Variants in WDR82 observed in about 807,000 individuals in gnomAD.
The protein encoded by WDR82 is WD repeat domain 82.
In WDR82, 8 loss-of-function variants were observed where a neutral mutation model predicts 36.1. That is an observed-to-expected ratio of 0.22 (90% CI 0.13 to 0.40). The LOEUF (loss-of-function observed/expected upper bound fraction) is 0.40, where lower values mean the gene tolerates loss of function less well. Ranked by LOEUF, WDR82 falls within the 10% of genes least tolerant of loss-of-function variation. The pLI, the probability that WDR82 is intolerant of heterozygous loss-of-function variation, is 1.00. For synonymous variants in WDR82, 129 were observed against 137.8 expected, an observed-to-expected ratio of 0.94 and a Z score of 0.45; for missense variants, 185 against 400.5, an observed-to-expected ratio of 0.46 and a Z score of 4.59.
intron 1 of WDR82, among the ~76,000 whole-genome samples, chr3:52,277,203 C>T (rs1003118505): frequency 6.6e-6 from 1 of 151,868 alleles, no homozygotes; most frequent in African/African-American, 2.4e-5. Flanking sequence ...AAGGGTAAAA[C>T]GAATTTAATC....
intron 1 of WDR82, among the ~76,000 whole-genome samples, chr3:52,274,142 T>G (rs1401679632): frequency 2.0e-5 from 3 of 152,214 alleles, no homozygotes; most frequent in Non-Finnish European, 4.4e-5. Context: ...AATTGAAATA[T>G]CACTCAATGG....
chr3:52,256,530 C>T lies in WDR82; in HGVS notation c.*960G>A, dbSNP rs564491799. The T allele has an allele frequency of 5.8e-5, 9 of 153,868 alleles. No individual in the cohort carries two copies. The highest frequency in any genetic ancestry group is 2.2e-4 in the African/African-American group (9 of 41,538). The allele number at this position is 153,868 out of a possible 1,614,324, so 9.5% of individuals were successfully genotyped here. A position where few individuals can be genotyped will look rare whatever the true frequency, so the allele number is the denominator to read the frequency against. On this transcript the variant is annotated 3_prime_UTR_variant, in exon 9 of 9. Transcript: ENST00000296490. Reference sequence around the variant, plus strand: ...GAGCTGGGGAAAGGGGTGGTATCATCTGAAGACTATGTACACAATTTGTGG... The same window carrying T: ...GAGCTGGGGAAAGGGGTGGTATCATTTGAAGACTATGTACACAATTTGTGG...
chr3:52,268,166 T>G (rs1168518775), intron 2 of WDR82: 1 of 325,140 alleles, frequency 3.1e-6, no homozygotes, highest in Non-Finnish European at 6.7e-6. Context: ...CTGCTAACAA[T>G]GACTCACCTG....
At chr3:52,264,816 G>A (rs1700091548) in intron 3 of WDR82, among the ~76,000 whole-genome samples, 1 of 151,892 alleles carries the variant, frequency 6.6e-6, no homozygotes. Flanking sequence ...TTGGAGACAC[G>A]GTCTTGCTTT....
intron 1 of WDR82, among the ~76,000 whole-genome samples, chr3:52,275,668 G>A (rs1415046557): frequency 6.6e-6 from 1 of 152,106 alleles, no homozygotes; most frequent in South Asian, 2.1e-4. Flanking sequence ...GGTAGATCAC[G>A]AGATCAGGAG....
chr3:52,277,239 C>A (rs1443562578), intron 1 of WDR82, among the ~76,000 whole-genome samples: 1 of 152,064 alleles, frequency 6.6e-6, no homozygotes, highest in Non-Finnish European at 1.5e-5. Context: ...CTCCAAGGAG[C>A]TGCAAGTCCA....
intron 3 of WDR82, among the ~76,000 whole-genome samples, chr3:52,262,335 T>C (rs1315573170): frequency 6.6e-6 from 1 of 152,212 alleles, no homozygotes; most frequent in African/African-American, 2.4e-5. Context: ...TGTCCAACTT[T>C]GCAAATATAG....
intron 7 of WDR82, among the ~76,000 whole-genome samples, chr3:52,258,960 C>G (rs752357593): frequency 6.6e-6 from 1 of 152,174 alleles, no homozygotes; most frequent in Non-Finnish European, 1.5e-5. Flanking sequence ...ACTAAGATGA[C>G]TGAATGTAGG....
rs1700060510 is a variant in WDR82, at chr3:52,261,446, G to A, written c.360C>T (p.Asp120=). ...TATCAAGAGACCCAGAAATGAAAGT[G>A]TCATCCACAGGTGACATGGACAAGG... ...VVALSMSPVD[D]TFISGSLDKT... The change falls in exon 4 of 9, where the codon GAC becomes GAT. Residue 120 remains aspartate (D), a synonymous_variant. Coordinates refer to ENST00000296490, the MANE Select transcript of WDR82 (RefSeq NM_025222.4). 1 of 1,613,754 alleles carries A rather than the reference G, an allele frequency of 6.2e-7. No homozygotes were observed. The highest frequency in any genetic ancestry group is 8.5e-7 in the Non-Finnish European group (1 of 1,179,900).
rs1264178822 is a variant in WDR82, at chr3:52,257,491, C to T, written c.941G>A (p.Ter314=). ...AGAAATAGCCAAGCAGCAACAGGGT[C>T]AGTCATCAATGGTGGGCAACCAAAA... ...MAFWLPTIDD[*] is the part of the protein sequence containing the mutation. Residue 314 remains the stop codon, a stop_retained_variant, in exon 9 of 9, where the codon TGA becomes TAA. Coordinates refer to ENST00000296490, the MANE Select transcript of WDR82 (RefSeq NM_025222.4). 1 of 1,614,090 alleles carries T rather than the reference C, an allele frequency of 6.2e-7. No individual in the cohort carries two copies. The highest frequency in any genetic ancestry group is 1.1e-5 in the South Asian group (1 of 91,070).
At position 52,278,625 on chromosome 3, in the gene WDR82, T is replaced by C. The variant is rs1213532445; in HGVS notation, c.-264A>G. ...GTCGCCGGCTCATTGTGTCCGCCAT[T>C]TTGGGGCGACAGGCAGAAGCTGAGG... is the stretch of plus-strand genomic sequence containing the variant. On this transcript the variant is annotated 5_prime_UTR_variant, in exon 1 of 9. Coordinates refer to ENST00000296490, the MANE Select transcript of WDR82 (RefSeq NM_025222.4). The C allele has an allele frequency of 1.8e-5, 7 of 397,548 alleles. No individual in the cohort carries two copies. Among genetic ancestry groups the C allele is most frequent in the African/African-American group, 1.4e-4 (7 of 48,368 alleles). The allele number at this position is 397,548 out of a possible 1,614,324, so 24.6% of individuals were successfully genotyped here.
Position 52,256,279 on chromosome 3 carries a change from T to C in WDR82, c.*1211A>G, listed in dbSNP as rs1053940343. ...AAACACTATTAGCAGGGATGCAGGGTGTCTCCTGGGCTGCAGGACTCCATC... is the reference window on the plus strand; with the variant it reads ...AAACACTATTAGCAGGGATGCAGGGCGTCTCCTGGGCTGCAGGACTCCATC... On this transcript the variant is annotated 3_prime_UTR_variant, in exon 9 of 9. Coordinates refer to ENST00000296490, the MANE Select transcript of WDR82 (RefSeq NM_025222.4). 6.5e-6 allele frequency: 1 copy of C among 153,772 alleles called. No homozygotes were observed. The highest frequency in any genetic ancestry group is 6.5e-5 in the Admixed American group (1 of 15,282). The allele number at this position is 153,772 out of a possible 1,614,324, so 9.5% of individuals were successfully genotyped here.
intron 8 of WDR82, 104 bp from the exon 9 acceptor site, chr3:52,257,623 C>T (rs1700021142): frequency 2.1e-6 from 3 of 1,404,982 alleles, no homozygotes; most frequent in Admixed American, 3.8e-5. Flanking sequence ...ACCCCAGTGG[C>T]TCTGGTAGCC....
chr3:52,255,474 C>T lies in WDR82; in HGVS notation c.*2016G>A, dbSNP rs545624973. ...AGGGGTGGGCAATAACAATTAAGAT[C>T]ATTTGGTTTCTAAAAGTTCTTCCTC... On this transcript the variant is annotated 3_prime_UTR_variant, in exon 9 of 9. Transcript: ENST00000296490. 6.6e-6 allele frequency: 1 copy of T among 152,198 alleles called. No individual in the cohort carries two copies. Among genetic ancestry groups the T allele is most frequent in the Non-Finnish European group, 1.5e-5 (1 of 68,016 alleles). The allele number at this position is 152,198 out of a possible 1,614,324, so 9.4% of individuals were successfully genotyped here.
chr3:52,256,587 A>G lies in WDR82; in HGVS notation c.*903T>C, dbSNP rs1283121627. The G allele has an allele frequency of 2.6e-5, 4 of 153,784 alleles. No individual in the cohort carries two copies. The highest frequency in any genetic ancestry group is 5.9e-5 in the Non-Finnish European group (4 of 68,056). The allele number at this position is 153,784 out of a possible 1,614,324, so 9.5% of individuals were successfully genotyped here. On this transcript the variant is annotated 3_prime_UTR_variant, in exon 9 of 9. Coordinates refer to ENST00000296490, the MANE Select transcript of WDR82 (RefSeq NM_025222.4). The stretch of plus-strand genomic sequence containing the variant: ...GGGAAGGCATCAGTGTAAACAACTC[A>G]GACTCACTTCACAATACTGGCCCAC...
intron 3 of WDR82, among the ~76,000 whole-genome samples, chr3:52,264,287 A>G (rs1700087109): frequency 1.3e-5 from 2 of 152,220 alleles, no homozygotes; most frequent in African/African-American, 2.4e-5. Flanking sequence ...AGCGATGGAG[A>G]TAAGAAAGCG....
intron 2 of WDR82, chr3:52,268,065 T>C: frequency 3.7e-6 from 1 of 268,606 alleles, no homozygotes; most frequent in Non-Finnish European, 7.7e-6. Context: ...GGGATATTTG[T>C]ATATTCCATA....
chr3:52,275,952 T>TG (rs1001395795), intron 1 of WDR82, among the ~76,000 whole-genome samples: 1 of 151,980 alleles, frequency 6.6e-6, no homozygotes, highest in Non-Finnish European at 1.5e-5. Context: ...ACTCTAAAGG[T>TG]GGGGGGAGGC....
chr3:52,257,439 T>C lies in WDR82; in HGVS notation c.*51A>G. On this transcript the variant is annotated 3_prime_UTR_variant, in exon 9 of 9. Coordinates refer to ENST00000296490, the MANE Select transcript of WDR82 (RefSeq NM_025222.4). ...CTATTATCTCAGTTCCCTCTGAGTT[T>C]CTTCCTGCTGGCCGCCCTCACTATA... 1 of 1,613,730 alleles carries C rather than the reference T, an allele frequency of 6.2e-7. No individual in the cohort carries two copies. Among genetic ancestry groups the C allele is most frequent in the Non-Finnish European group, 8.5e-7 (1 of 1,179,606 alleles).
Sources: gnomAD v4.1 joint callset for allele counts (sites outside exome capture counted in the v4.1 genomes callset) on GRCh38, gnomAD v4.1.1 for gene constraint, MANE v1.5 for transcripts, NCBI Gene and HGNC (gene_info 2026-07-23, HGNC 2026-07-21) for gene names.